The following EFCAB13 variants were observed in gnomAD, a reference collection of about 807,000 sequenced individuals.
The protein encoded by EFCAB13 is EF-hand calcium binding domain 13.
EFCAB13 carries 91 observed loss-of-function variants against 110.2 expected under a neutral mutation model. The ratio of observed to expected loss-of-function variants is 0.83; its 90% CI spans 0.70 to 0.98. The LOEUF is 0.98. EFCAB13 is among the 50% of genes least tolerant of loss of function. EFCAB13 has a pLI of 0.00. For missense variants in EFCAB13, 968 were observed against 1,119.4 expected, an observed-to-expected ratio of 0.86 and a Z score of 1.93; for synonymous variants, 323 against 369.9, an observed-to-expected ratio of 0.87 and a Z score of 1.45.
chr17:47,384,154 T>TG (rs1429506866), intron 14 of EFCAB13, among the ~76,000 whole-genome samples: 6 of 151,334 alleles, frequency 4.0e-5, no homozygotes, highest in Middle Eastern at 3.4e-3. Flanking sequence ...AGTTTTTTTT[T>TG]TTTGTTTTTT....
intron 10 of EFCAB13, among the ~76,000 whole-genome samples, chr17:47,365,358 A>G (rs2065540254): frequency 6.6e-6 from 1 of 152,228 alleles, no homozygotes; most frequent in East Asian, 1.9e-4. Context: ...AGTTTGAGGC[A>G]AAATTCCTCA....
chr17:47,435,099 C>T (rs1343409765), intron 24 of EFCAB13, among the ~76,000 whole-genome samples: 1 of 151,910 alleles, frequency 6.6e-6, no homozygotes, highest in East Asian at 1.9e-4. Flanking sequence ...AAACAGACAA[C>T]CCACAGAATG....
chr17:47,388,034 A>G (rs2065686074), intron 14 of EFCAB13, among the ~76,000 whole-genome samples: 1 of 152,120 alleles, frequency 6.6e-6, no homozygotes, highest in Admixed American at 6.5e-5. Flanking sequence ...GTGCCTTCCT[A>G]CAGTGTGGTA....
intron 18 of EFCAB13, among the ~76,000 whole-genome samples, chr17:47,402,490 A>G (rs1164522995): frequency 6.6e-6 from 1 of 152,222 alleles, no homozygotes; most frequent in East Asian, 1.9e-4. Context: ...ATGAAGTTCT[A>G]TGCCTTCTTT....
rs138155890 is a variant in EFCAB13, at chr17:47,439,514, C to T, written c.2639-917C>T. ...TTGGTGTAGGCTCTGAAGCTGACTG[C>T]GCTGGTCCTAAATTTTTATTTCCTG... is the stretch of plus-strand genomic sequence containing the variant. On this transcript the variant is annotated intron_variant, in intron 24 of 24. Transcript: ENST00000331493. Among the ~76,000 whole-genome samples, 399 of 152,074 alleles carry T rather than the reference C, an allele frequency of 2.6e-3. 4 individuals are homozygous for T. The highest frequency in any genetic ancestry group is 9.3e-3 in the African/African-American group (387 of 41,488).
intron 20 of EFCAB13, among the ~76,000 whole-genome samples, chr17:47,409,092 A>G (rs1400286516): frequency 6.6e-6 from 1 of 152,156 alleles, no homozygotes; most frequent in Non-Finnish European, 1.5e-5. Context: ...ACTGTTCTTT[A>G]ATACAATAGA....
chr17:47,344,054 G>A, intron 6 of EFCAB13, 108 bp from the exon 7 acceptor site: 1 of 1,248,184 alleles, frequency 8.0e-7, no homozygotes, highest in Non-Finnish European at 1.1e-6. Flanking sequence ...CATAATTAAT[G>A]AGGAGCCAAG....
intron 6 of EFCAB13, among the ~76,000 whole-genome samples, chr17:47,342,476 TCTTAA>T (rs761484411): frequency 7.9e-5 from 12 of 152,176 alleles, no homozygotes; most frequent in South Asian, 4.1e-4. Context: ...CATTTCAAGA[TCTTAA>T]CTTGATTACA....
chr17:47,403,872 TTA>T lies in EFCAB13; in HGVS notation c.2018-3_2018-2del. On this transcript the variant is annotated splice_polypyrimidine_tract_variant and splice_region_variant and intron_variant, in intron 18 of 24. Transcript: ENST00000331493. ...TTTTATTAATTAACTTTTTTTCTAT[TTA>T]TAGAGTTACAGGAAGTTGTCTTAGC... is the stretch of plus-strand genomic sequence containing the variant. 6.3e-7 allele frequency: 1 copy of T among 1,586,712 alleles called. No homozygotes were observed. Among genetic ancestry groups the T allele is most frequent in the Non-Finnish European group, 8.5e-7 (1 of 1,171,156 alleles).
In EFCAB13 at chr17:47,341,923, T is replaced by G; in HGVS notation, c.194T>G (p.Phe65Cys). ...ATTCCAATTTCTGTGTCATTTAGAT[T>G]TGAAACATCAATAATCTTTTGTGGA... ...RSLSPEYKKI[F>C]ETSIIFCGEE... is the part of the protein sequence containing the mutation. Residue 65 changes from phenylalanine (F) to cysteine (C), a missense_variant and splice_region_variant, in exon 6 of 25, where the codon TTT (phenylalanine) becomes TGT (cysteine). By Grantham distance (205) the Phe-to-Cys change is radical. Coordinates refer to ENST00000331493, the MANE Select transcript of EFCAB13 (RefSeq NM_152347.5). The G allele has an allele frequency of 1.3e-6, 2 of 1,507,692 alleles. No homozygotes were observed. The highest frequency in any genetic ancestry group is 1.4e-5 in the African/African-American group (1 of 71,136). The allele number at this position is 1,507,692 out of a possible 1,614,324, so 93.4% of individuals were successfully genotyped here.
chr17:47,440,643 A>T lies in EFCAB13; in HGVS notation c.2851A>T (p.Ile951Phe). 6.2e-7 allele frequency: 1 copy of T among 1,608,072 alleles called. No homozygotes were observed. Among genetic ancestry groups the T allele is most frequent in the East Asian group, 2.2e-5 (1 of 44,684 alleles). Residue 951 changes from isoleucine to phenylalanine, a missense_variant, in exon 25 of 25, where the codon ATT becomes TTT. By Grantham distance (21) the Ile-to-Phe change is conservative. Coordinates refer to ENST00000331493, the MANE Select transcript of EFCAB13 (RefSeq NM_152347.5). ...CAATATGAATATAAAACAACACAAG[A>T]TTAGTTTACATAACTTCTGTTTGAA... is the stretch of plus-strand genomic sequence containing the variant. ...QYNMNIKQHK[I>F]SLHNFCLNSK...
intron 12 of EFCAB13, 83 bp from the exon 13 acceptor site, chr17:47,377,683 C>T: frequency 8.0e-7 from 1 of 1,251,962 alleles, no homozygotes; most frequent in Non-Finnish European, 1.1e-6. Flanking sequence ...AACTTGTTCT[C>T]TAATTTCTAA....
rs1009629846 is a variant in EFCAB13 at position 47,406,261 on chromosome 17, A to G, written c.2233+1628A>G. Among the ~76,000 whole-genome samples, 4 of 152,150 alleles carry G rather than the reference A, an allele frequency of 2.6e-5. No individual in the cohort carries two copies. The South Asian group carries it at 6.2e-4, about 24-fold the overall frequency. On this transcript the variant is annotated intron_variant, in intron 20 of 24. Coordinates refer to ENST00000331493, the MANE Select transcript of EFCAB13 (RefSeq NM_152347.5). The stretch of plus-strand genomic sequence containing the variant: ...TTGAGTAGCTGGGATTCAGGTGCAC[A>G]CCACCATGCCTGGCTAATTTTTGTA...
At chr17:47,370,599 T>C in intron 11 of EFCAB13, 91 bp downstream of exon 11, 1 of 855,016 alleles carries the variant, frequency 1.2e-6, no homozygotes, top group Non-Finnish European at 1.8e-6. Flanking sequence ...TTATAAAGGG[T>C]TTTGAAAACC....
In EFCAB13 at chr17:47,414,896, G is replaced by T; in HGVS notation, c.2471G>T (p.Ser824Ile). 1 of 1,606,580 alleles carries T rather than the reference G, an allele frequency of 6.2e-7. No individual in the cohort carries two copies. The highest frequency in any genetic ancestry group is 8.5e-7 in the Non-Finnish European group (1 of 1,174,650). ...GATTTCTTAATGAAAATGAAAGAAA[G>T]TCCACATTTCCAAAAGTCCAAGGGT... The part of the protein sequence containing the change: ...LKDFLMKMKE[S>I]PHFQKSKATQ... The change falls in exon 23 of 25, where the codon AGT (serine) becomes ATT (isoleucine). Residue 824 changes from serine (S) to isoleucine (I), a missense_variant. Coordinates refer to ENST00000331493, the MANE Select transcript of EFCAB13 (RefSeq NM_152347.5).
At chr17:47,397,247 C>T (rs989087124) in intron 17 of EFCAB13, among the ~76,000 whole-genome samples, 89 of 152,166 alleles carry the variant, frequency 5.8e-4, no homozygotes, top group African/African-American at 1.9e-3. Flanking sequence ...CTCCTAGCCG[C>T]GAGTGATCCG....
At chr17:47,325,251 G>A (rs1657562475) in intron 2 of EFCAB13, among the ~76,000 whole-genome samples, 2 of 151,254 alleles carry the variant, frequency 1.3e-5, no homozygotes, top group Admixed American at 6.6e-5. Context: ...CTGGCCTTAA[G>A]CAGCCCTCCT....
chr17:47,403,730 G>A (rs929671328), intron 18 of EFCAB13, 148 bp from the exon 19 acceptor site: 1 of 606,370 alleles, frequency 1.6e-6, no homozygotes, highest in African/African-American at 1.9e-5. Flanking sequence ...TTGTGCTGCT[G>A]GCCATAGAAT....
chr17:47,325,962 A>ATG (rs2065283472), intron 2 of EFCAB13, among the ~76,000 whole-genome samples: 1 of 107,106 alleles, frequency 9.3e-6, no homozygotes, highest in South Asian at 3.1e-4. Flanking sequence ...ATATATATAT[A>ATG]GCATATATAT....
Sources: gnomAD v4.1 joint callset for allele counts (sites outside exome capture counted in the v4.1 genomes callset) on GRCh38, gnomAD v4.1.1 for gene constraint, MANE v1.5 for transcripts, NCBI Gene and HGNC (gene_info 2026-07-23, HGNC 2026-07-21) for gene names.